The following L2HGDH variants were observed in gnomAD, a reference collection of about 807,000 sequenced individuals.
L2HGDH encodes L-2-hydroxyglutarate dehydrogenase, mitochondrial.
Under a neutral mutation model 51.5 loss-of-function variants are expected in L2HGDH, and 34 were observed. That is an observed-to-expected ratio of 0.66 (90% CI 0.50 to 0.88). The LOEUF (loss-of-function observed/expected upper bound fraction) is 0.88, where lower values mean the gene tolerates loss of function less well. Among genes scored for constraint, L2HGDH ranks in the 40% least tolerant of loss-of-function variants. The pLI is 0.00. For synonymous variants in L2HGDH, 198 were observed against 197.9 expected (o/e 1.00, Z -0.01); for missense variants, 558 against 571.9 (o/e 0.98, Z 0.25).
At chr14:50,298,703 A>G (rs1172711377) in intron 3 of L2HGDH, among the ~76,000 whole-genome samples, 2 of 152,190 alleles carry the variant, frequency 1.3e-5, no homozygotes, top group Non-Finnish European at 2.9e-5. Flanking sequence ...AAATAAACAA[A>G]CAAGCAAACA....
Position 50,242,736 on chromosome 14 carries a change from G to A in L2HGDH, c.*4322C>T, listed in dbSNP as rs1887853365. ...GAGATTTCAAAAACTCCCTTTGAGT[G>A]TGTTAGAAAAGCTTAGAAACTGACT... On this transcript the variant is annotated 3_prime_UTR_variant, in exon 10 of 10. Transcript: ENST00000267436. The A allele has an allele frequency of 4.1e-6, 4 of 985,374 alleles. No homozygotes were observed. Among genetic ancestry groups the A allele is most frequent in the Non-Finnish European group, 3.6e-6 (3 of 829,898 alleles). The allele number at this position is 985,374 out of a possible 1,614,324, so 61.0% of individuals were successfully genotyped here.
intron 9 of L2HGDH, among the ~76,000 whole-genome samples, chr14:50,254,081 C>T (rs980282289): frequency 6.6e-6 from 1 of 151,800 alleles, no homozygotes; most frequent in African/African-American, 2.4e-5. Flanking sequence ...ATGGATACCT[C>T]CCCCCAAAAA....
intron 8 of L2HGDH, among the ~76,000 whole-genome samples, chr14:50,267,235 G>T (rs1889394614): frequency 6.6e-6 from 1 of 151,094 alleles, no homozygotes; most frequent in Non-Finnish European, 1.5e-5. Context: ...AGGCTGGAGT[G>T]CAGTGGCAGC....
chr14:50,278,257 AAAATATTAGTT>A, intron 6 of L2HGDH, among the ~76,000 whole-genome samples: 1 of 152,324 alleles, frequency 6.6e-6, no homozygotes, highest in East Asian at 1.9e-4. Flanking sequence ...ATAGAGTGAT[AAAATATTAGTT>A]TTGCCTTAAA....
intron 3 of L2HGDH, among the ~76,000 whole-genome samples, chr14:50,298,399 T>C (rs1352225012): frequency 1.3e-5 from 2 of 151,786 alleles, no homozygotes; most frequent in African/African-American, 2.4e-5. Context: ...CACTACAACC[T>C]CTGCCTCCCA....
chr14:50,293,081 C>G, intron 4 of L2HGDH: 1 of 603,032 alleles, frequency 1.7e-6, no homozygotes, highest in Non-Finnish European at 3.0e-6. Context: ...TCACTGCACT[C>G]TAGCCTGGGT....
chr14:50,295,762 T>A (rs957944598), intron 3 of L2HGDH, among the ~76,000 whole-genome samples: 2 of 145,522 alleles, frequency 1.4e-5, no homozygotes, highest in African/African-American at 2.6e-5. Flanking sequence ...TTTTTTTTTT[T>A]AATTTCGCTC....
rs771815046 is a variant in L2HGDH, at chr14:50,269,289, T to A, written c.780A>T (p.Gly260=). 2.5e-6 allele frequency: 4 copies of A among 1,614,056 alleles called. No individual in the cohort carries two copies. The highest frequency in any genetic ancestry group is 2.5e-6 in the Non-Finnish European group (3 of 1,179,980). The change falls in exon 7 of 10, where the codon GGA becomes GGT. Residue 260 remains glycine (G), a synonymous_variant. Coordinates refer to ENST00000267436, the MANE Select transcript of L2HGDH (RefSeq NM_024884.3). ...IRCQYVVTCA[G]LYSDRISELS... ...ACTCTGAAATACGGTCTGAGTAAAG[T>A]CCTGCACATGTCACAACATACTGAC...
chr14:50,305,112 C>A (rs1303312550), intron 1 of L2HGDH, among the ~76,000 whole-genome samples: 1 of 152,164 alleles, frequency 6.6e-6, no homozygotes, highest in African/African-American at 2.4e-5. Context: ...GGAACTAACA[C>A]GTAAGCTTGA....
chr14:50,293,061 T>G (rs1310829008), intron 4 of L2HGDH: 1 of 561,156 alleles, frequency 1.8e-6, no homozygotes, highest in African/African-American at 1.9e-5. Flanking sequence ...CATGGGGAGC[T>G]GTGATCACGT....
In L2HGDH at chr14:50,244,482, A is replaced by G. The variant is rs1887917953; in HGVS notation, c.*2576T>C. 1 of 985,244 alleles carries G rather than the reference A, an allele frequency of 1.0e-6. No homozygotes were observed. Among genetic ancestry groups the G allele is most frequent in the Admixed American group, 6.2e-5 (1 of 16,260 alleles). 61.0% of individuals were successfully genotyped at this position (985,244 alleles called of 1,614,324 possible). On this transcript the variant is annotated 3_prime_UTR_variant, in exon 10 of 10. Transcript: ENST00000267436. ...TACTGACAAAATACAGAATGATAAT[A>G]TTTTCCATCTCTTAGTAATCTTGTA...
intron 1 of L2HGDH, among the ~76,000 whole-genome samples, chr14:50,309,204 T>C (rs1042164012): frequency 6.6e-6 from 1 of 152,264 alleles, no homozygotes; most frequent in Non-Finnish European, 1.5e-5. Flanking sequence ...ATGCTTTTGA[T>C]GTCATCTCTA....
intron 3 of L2HGDH, 64 bp downstream of exon 3, chr14:50,301,953 A>G: frequency 6.6e-7 from 1 of 1,506,078 alleles, no homozygotes; most frequent in South Asian, 1.1e-5. Flanking sequence ...AAAAAATGTA[A>G]TATTAAACAT....
At chr14:50,259,820 C>A (rs557543329) in intron 9 of L2HGDH, among the ~76,000 whole-genome samples, 2 of 151,356 alleles carry the variant, frequency 1.3e-5, no homozygotes, top group South Asian at 2.1e-4. Context: ...GGAGACAGAG[C>A]GAGACTCTTA....
At chr14:50,309,887 G>A (rs558990047) in intron 1 of L2HGDH, among the ~76,000 whole-genome samples, 16 of 152,060 alleles carry the variant, frequency 1.1e-4, no homozygotes, top group East Asian at 1.9e-4. Context: ...GGGTTTTGCC[G>A]TCTCCCTTTG....
intron 9 of L2HGDH, among the ~76,000 whole-genome samples, chr14:50,260,384 G>A (rs1888949005): frequency 6.6e-6 from 1 of 152,146 alleles, no homozygotes; most frequent in Admixed American, 6.5e-5. Flanking sequence ...CCTATATCTT[G>A]TTCTGACTGG....
chr14:50,283,388 T>C (rs1890384569), intron 5 of L2HGDH, among the ~76,000 whole-genome samples: 1 of 152,020 alleles, frequency 6.6e-6, no homozygotes, highest in South Asian at 2.1e-4. Context: ...GAGTCCCAGT[T>C]CTCTCACATT....
intron 4 of L2HGDH, among the ~76,000 whole-genome samples, chr14:50,284,496 T>G (rs1217626207): frequency 6.6e-6 from 1 of 152,216 alleles, no homozygotes; most frequent in Non-Finnish European, 1.5e-5. Flanking sequence ...TTTGTTTGTT[T>G]CTGTTTTTGT....
At chr14:50,279,877 A>C (rs1370604207) in intron 5 of L2HGDH, among the ~76,000 whole-genome samples, 1 of 151,894 alleles carries the variant, frequency 6.6e-6, no homozygotes, top group Non-Finnish European at 1.5e-5. Flanking sequence ...CCTGACCAAC[A>C]TGATGAAATC....
Sources: allele counts gnomAD v4.1 joint callset (sites outside exome capture counted in the v4.1 genomes callset), GRCh38; gene constraint gnomAD v4.1.1; transcripts MANE v1.5; gene names NCBI Gene and HGNC (gene_info 2026-07-23, HGNC 2026-07-21).